ASAP2: variants seen among roughly 807,000 people sequenced by gnomAD.
ASAP2 encodes the protein ArfGAP with SH3 domain, ankyrin repeat and PH domain 2.
ASAP2 carries 45 observed loss-of-function variants against 131.4 expected under a neutral mutation model. The observed-to-expected ratio is 0.34, with a 90% CI of 0.27 to 0.44. The LOEUF (loss-of-function observed/expected upper bound fraction) is 0.44. Ranked by LOEUF, ASAP2 falls within the 20% of genes least tolerant of loss-of-function variation. The pLI is 1.00. For missense variants in ASAP2, 1,011 were observed against 1,297.0 expected, an observed-to-expected ratio of 0.78 and a Z score of 3.39; for synonymous variants, 510 against 503.0, an observed-to-expected ratio of 1.01 and a Z score of -0.19.
intron 1 of ASAP2, among the ~76,000 whole-genome samples, chr2:9,267,440 G>A (rs1666018240): frequency 6.6e-6 from 1 of 152,088 alleles, no homozygotes; most frequent in Non-Finnish European, 1.5e-5. Context: ...ATTAGGGCCT[G>A]CAGCTGCATC....
chr2:9,366,998 G>C (rs1673521224), intron 15 of ASAP2, among the ~76,000 whole-genome samples: 1 of 150,572 alleles, frequency 6.6e-6, no homozygotes, highest in African/African-American at 2.5e-5. Flanking sequence ...CTCTCCCAAA[G>C]CATGTTTGTT....
At chr2:9,255,715 T>G (rs757357284) in intron 1 of ASAP2, among the ~76,000 whole-genome samples, 8 of 152,232 alleles carry the variant, frequency 5.3e-5, no homozygotes, top group Non-Finnish European at 7.3e-5. Flanking sequence ...GCTCCAGAGG[T>G]TCTTCAGGGG....
intron 15 of ASAP2, among the ~76,000 whole-genome samples, chr2:9,362,310 T>C (rs1471416451): frequency 1.3e-5 from 2 of 152,268 alleles, no homozygotes; most frequent in East Asian, 3.9e-4. Flanking sequence ...CCTGGACAGG[T>C]TCTCTCACAG....
At chr2:9,231,359 C>T (rs1226266619) in intron 1 of ASAP2, among the ~76,000 whole-genome samples, 1 of 152,180 alleles carries the variant, frequency 6.6e-6, no homozygotes, top group Non-Finnish European at 1.5e-5. Flanking sequence ...TGCTCTAGGG[C>T]TTAAGTCAGG....
intron 9 of ASAP2, among the ~76,000 whole-genome samples, chr2:9,341,021 G>A (rs1258968658): frequency 2.0e-5 from 3 of 152,176 alleles, no homozygotes; most frequent in Non-Finnish European, 1.5e-5. Context: ...TTTGTCAGTC[G>A]AGTTTAGGTT....
intron 1 of ASAP2, among the ~76,000 whole-genome samples, chr2:9,219,297 G>C (rs1019433054): frequency 9.2e-5 from 14 of 152,306 alleles, no homozygotes; most frequent in African/African-American, 3.1e-4. Flanking sequence ...TTTGCCCTGT[G>C]ATTCGGTTGT....
chr2:9,370,426 C>T lies in ASAP2; in HGVS notation c.1556+1907C>T, dbSNP rs533835194. Reference sequence around the variant, plus strand: ...ATAACGTGTGGTTTTACATACCAGGCATGAGGTTGACAATGTGATCATCCT... The same window carrying T: ...ATAACGTGTGGTTTTACATACCAGGTATGAGGTTGACAATGTGATCATCCT... On this transcript the variant is annotated intron_variant, in intron 16 of 27. Coordinates refer to ENST00000281419, the MANE Select transcript of ASAP2 (RefSeq NM_003887.3). Among the ~76,000 whole-genome samples, 13 of 152,290 alleles carry T rather than the reference C, an allele frequency of 8.5e-5. No homozygotes were observed. The East Asian group carries it at 1.7e-3, about 20-fold the overall frequency.
At chr2:9,378,585 C>T (rs1674581838) in intron 18 of ASAP2, among the ~76,000 whole-genome samples, 1 of 152,246 alleles carries the variant, frequency 6.6e-6, no homozygotes, top group Non-Finnish European at 1.5e-5. Context: ...CGGCCTAGCA[C>T]AGCAGCCTCG....
Position 9,353,901 on chromosome 2 carries a change from G to A in ASAP2, c.1112-2146G>A, listed in dbSNP as rs111868166. ...GAGGTGGGGGGATCACTTGAGTCCA[G>A]GAGTTTGAGGCTGCAGTGAGCTGTG... On this transcript the variant is annotated intron_variant, in intron 12 of 27. Coordinates refer to ENST00000281419, the MANE Select transcript of ASAP2 (RefSeq NM_003887.3). Among the ~76,000 whole-genome samples, 1,013 of 152,288 alleles carry A rather than the reference G, an allele frequency of 6.7e-3. 11 individuals carry two copies. The highest frequency in any genetic ancestry group is 0.023 in the African/African-American group (960 of 41,548).
chr2:9,285,043 C>T (rs555806198), intron 2 of ASAP2, among the ~76,000 whole-genome samples: 12 of 152,124 alleles, frequency 7.9e-5, no homozygotes, highest in Non-Finnish European at 1.6e-4. Flanking sequence ...GTGTGATGGT[C>T]TCTGGAGATG....
In ASAP2 at chr2:9,388,486, C is replaced by T; in HGVS notation, c.2323C>T (p.Gln775Ter). ...CCTGAGTGGCAGCCCACCTCCCGCC[C>T]AGCCTGCAGCCCCCAGCACCACCAG... Reference protein sequence around the residue: ...ALLSGSPPPAQPAAPSTTSAP... With the variant: ...ALLSGSPPPA The change falls in exon 22 of 28, where the codon CAG (glutamine) becomes TAG (stop). Residue 775 changes from glutamine (Q) to a stop codon, truncating the protein, a stop_gained. Transcript: ENST00000281419. LOFTEE classifies it high-confidence loss of function. 1.9e-6 allele frequency: 3 copies of T among 1,614,066 alleles called. No individual in the cohort carries two copies. The highest frequency in any genetic ancestry group is 2.5e-6 in the Non-Finnish European group (3 of 1,179,994).
At chr2:9,282,994 G>T (rs1467235487) in intron 2 of ASAP2, among the ~76,000 whole-genome samples, 1 of 152,042 alleles carries the variant, frequency 6.6e-6, no homozygotes, top group Non-Finnish European at 1.5e-5. Flanking sequence ...ACCTGCCCTT[G>T]CTTCCCCACC....
intron 2 of ASAP2, among the ~76,000 whole-genome samples, chr2:9,280,012 CTA>C (rs928646872): frequency 8.5e-5 from 13 of 152,150 alleles, no homozygotes; most frequent in African/African-American, 3.1e-4. Context: ...CGTTAAGTGA[CTA>C]TATAGTTTCA....
intron 7 of ASAP2, among the ~76,000 whole-genome samples, chr2:9,333,658 A>G (rs1484530432): frequency 6.6e-6 from 1 of 152,176 alleles, no homozygotes; most frequent in African/African-American, 2.4e-5. Flanking sequence ...GTGAATGAAG[A>G]GGGTGGAATG....
chr2:9,371,762 TCCTCTGA>T (rs1673984594), intron 16 of ASAP2, among the ~76,000 whole-genome samples: 1 of 151,958 alleles, frequency 6.6e-6, no homozygotes, highest in Non-Finnish European at 1.5e-5. Context: ...GGAGAGCCCC[TCCTCTGA>T]ACACCAAATG....
intron 2 of ASAP2, among the ~76,000 whole-genome samples, chr2:9,292,238 G>A (rs1352480509): frequency 1.3e-5 from 2 of 152,144 alleles, no homozygotes; most frequent in Non-Finnish European, 1.5e-5. Flanking sequence ...TGCAGACAGG[G>A]GCTTTAAAAC....
intron 7 of ASAP2, 42 bp from the exon 8 acceptor site, chr2:9,334,696 C>T (rs1332351427): frequency 1.3e-6 from 2 of 1,563,754 alleles, no homozygotes; most frequent in Admixed American, 1.8e-5. Context: ...ATTATTTTTT[C>T]CTTTGTGAAA....
intron 2 of ASAP2, among the ~76,000 whole-genome samples, chr2:9,287,150 G>A (rs1035807452): frequency 6.6e-6 from 1 of 152,252 alleles, no homozygotes; most frequent in African/African-American, 2.4e-5. Context: ...GCTGCGGCAT[G>A]CTGCCTGGTG....
intron 24 of ASAP2, among the ~76,000 whole-genome samples, chr2:9,397,509 G>A (rs912217885): frequency 2.0e-5 from 3 of 151,806 alleles, no homozygotes; most frequent in Admixed American, 1.3e-4. Context: ...GGAACACACC[G>A]GTACGCCCTC....
Sources: gnomAD v4.1 joint callset for allele counts (sites outside exome capture counted in the v4.1 genomes callset) on GRCh38, gnomAD v4.1.1 for gene constraint, MANE v1.5 for transcripts, NCBI Gene and HGNC (gene_info 2026-07-23, HGNC 2026-07-21) for gene names.